WDR70: variants seen among roughly 807,000 people sequenced by gnomAD.
WDR70 encodes WD repeat-containing protein 70.
WDR70 carries 53 observed loss-of-function variants against 88.6 expected under a neutral mutation model. The ratio of observed to expected loss-of-function variants is 0.60; its 90% confidence interval spans 0.48 to 0.75. The LOEUF (loss-of-function observed/expected upper bound fraction) is 0.75. Among genes scored for constraint, WDR70 ranks in the 30% least tolerant of loss-of-function variants. The probability of loss-of-function intolerance (pLI) is 0.00; values close to 1 mark genes in which losing one functional copy is unlikely to be tolerated. For missense variants in WDR70, 610 were observed against 823.2 expected, an observed-to-expected ratio of 0.74 and a Z score of 3.17; for synonymous variants, 280 against 270.0, an observed-to-expected ratio of 1.04 and a Z score of -0.36.
intron 10 of WDR70, among the ~76,000 whole-genome samples, chr5:37,672,494 C>T (rs773895934): frequency 3.3e-5 from 5 of 152,106 alleles, no homozygotes; most frequent in African/African-American, 4.8e-5. Context: ...GATATGCTGG[C>T]GGCAATGTTG....
At chr5:37,703,485 A>T (rs1308934685) in intron 13 of WDR70, among the ~76,000 whole-genome samples, 1 of 152,232 alleles carries the variant, frequency 6.6e-6, no homozygotes, top group Non-Finnish European at 1.5e-5. Context: ...GAAACCATGA[A>T]AACTTTGACA....
Position 37,443,170 on chromosome 5 carries a change from A to G in WDR70, c.553-69A>G. The stretch of plus-strand genomic sequence containing the variant: ...CATAGGGGGTGGGATTAAAGAACAG[A>G]AATGGGAGGTTATAATTGACCATAT... On this transcript the variant is annotated intron_variant, in intron 6 of 17. Coordinates refer to ENST00000265107, the MANE Select transcript of WDR70 (RefSeq NM_018034.4). 3 of 1,510,998 alleles carry G rather than the reference A, an allele frequency of 2.0e-6. No individual in the cohort carries two copies. In the South Asian group the frequency reaches 3.8e-5, roughly 19 times the overall value. The allele number at this position is 1,510,998 out of a possible 1,614,324, so 93.6% of individuals were successfully genotyped here.
In WDR70 at chr5:37,592,424, C is replaced by T. The variant is rs146788321; in HGVS notation, c.918-12640C>T. Among the ~76,000 whole-genome samples, 4 of 135,180 alleles carry T rather than the reference C, an allele frequency of 3.0e-5. No homozygotes were observed. In the East Asian group the frequency reaches 6.1e-4, roughly 21 times the overall value. 88.7% of individuals were successfully genotyped at this position (135,180 alleles called of 152,430 possible). On this transcript the variant is annotated intron_variant, in intron 9 of 17. Coordinates refer to ENST00000265107, the MANE Select transcript of WDR70 (RefSeq NM_018034.4). ...TCTTACACTTATTCATACATAAGTA[C>T]TTAACTGAAAAATATGACATATTAA...
intron 8 of WDR70, among the ~76,000 whole-genome samples, chr5:37,485,677 T>A (rs1480175070): frequency 6.6e-6 from 1 of 151,840 alleles, no homozygotes; most frequent in Non-Finnish European, 1.5e-5. Context: ...TATTTATTTA[T>A]TCATTCATTT....
rs1561850153 is a variant in WDR70 at position 37,432,685 on chromosome 5, CGCGCCCGGCCTTTG to C, written c.493-5236_493-5223del. Among the ~76,000 whole-genome samples the C allele has an allele frequency of 1.5e-3, 229 of 151,872 alleles. 1 individual carries two copies. Among genetic ancestry groups the C allele is most frequent in the African/African-American group, 5.3e-3 (220 of 41,344 alleles). On this transcript the variant is annotated intron_variant, in intron 5 of 17. Coordinates refer to ENST00000265107, the MANE Select transcript of WDR70 (RefSeq NM_018034.4). ...TGCTGGGATTACAGGCATGAGCCACCGCGCCCGGCCTTTGAGCCACCGCGCCCGGCCTTTCTGGC... is the reference window on the plus strand; with the variant it reads ...TGCTGGGATTACAGGCATGAGCCACCAGCCACCGCGCCCGGCCTTTCTGGC...
At chr5:37,659,652 C>A (rs866517656) in intron 10 of WDR70, among the ~76,000 whole-genome samples, 13 of 152,136 alleles carry the variant, frequency 8.5e-5, no homozygotes, top group African/African-American at 3.1e-4. Context: ...CTGGGAAGTT[C>A]AAGATCCAGG....
intron 2 of WDR70, among the ~76,000 whole-genome samples, 196 bp downstream of exon 2, chr5:37,379,750 G>C (rs1748365355): frequency 1.2e-4 from 1 of 8,150 alleles, no homozygotes; most frequent in South Asian, 0.1. Context: ...ACAGTTATGA[G>C]AGTCTGGAGA....
intron 9 of WDR70, among the ~76,000 whole-genome samples, chr5:37,562,662 C>G (rs1437053374): frequency 6.6e-6 from 1 of 152,092 alleles, no homozygotes; most frequent in Non-Finnish European, 1.5e-5. Context: ...AACGAGCATG[C>G]TGCCTTCAAG....
intron 8 of WDR70, among the ~76,000 whole-genome samples, chr5:37,507,196 T>C (rs1395509064): frequency 2.0e-5 from 3 of 152,250 alleles, no homozygotes; most frequent in African/African-American, 7.2e-5. Context: ...AAGCACCCTG[T>C]CTATATCTAC....
At chr5:37,721,423 C>T (rs1747812492) in intron 14 of WDR70, 7 of 570,452 alleles carry the variant, frequency 1.2e-5, no homozygotes, top group South Asian at 4.5e-5. Context: ...GAATTCAAAG[C>T]GAAAGTTTCC....
At chr5:37,560,395 T>G (rs1231163589) in intron 9 of WDR70, among the ~76,000 whole-genome samples, 1 of 152,218 alleles carries the variant, frequency 6.6e-6, no homozygotes, top group Non-Finnish European at 1.5e-5. Context: ...TCTGTTAGGA[T>G]GTATCTTATG....
At chr5:37,728,179 C>G (rs979066268) in intron 17 of WDR70, among the ~76,000 whole-genome samples, 24 of 151,832 alleles carry the variant, frequency 1.6e-4, no homozygotes, top group African/African-American at 5.8e-4. Flanking sequence ...GAAAGCCCAT[C>G]ACTACTAAAA....
chr5:37,472,933 A>C (rs1739370713), intron 7 of WDR70, among the ~76,000 whole-genome samples: 1 of 152,070 alleles, frequency 6.6e-6, no homozygotes, highest in Non-Finnish European at 1.5e-5. Flanking sequence ...GGATAGGTAC[A>C]TGTTTACCTT....
intron 5 of WDR70, among the ~76,000 whole-genome samples, chr5:37,399,108 C>T (rs1749118924): frequency 6.6e-6 from 1 of 152,182 alleles, no homozygotes; most frequent in Admixed American, 6.5e-5. Flanking sequence ...GAAAACCCAT[C>T]TCTACTAAAA....
At chr5:37,704,226 TA>T (rs1647610514) in intron 13 of WDR70, among the ~76,000 whole-genome samples, 1 of 152,214 alleles carries the variant, frequency 6.6e-6, no homozygotes, top group Non-Finnish European at 1.5e-5. Flanking sequence ...AGGAGCCAAC[TA>T]AAACACTAGA....
chr5:37,702,829 T>C, intron 12 of WDR70, 120 bp from the exon 13 acceptor site: 1 of 975,162 alleles, frequency 1.0e-6, no homozygotes, highest in African/African-American at 1.6e-5. Context: ...ATATAAGTGC[T>C]TGACTCATAA....
chr5:37,609,171 A>C (rs1219839404), intron 10 of WDR70, among the ~76,000 whole-genome samples: 1 of 152,072 alleles, frequency 6.6e-6, no homozygotes, highest in African/African-American at 2.4e-5. Context: ...GAGAGGAGAG[A>C]GGTATTGGGG....
At chr5:37,584,410 A>G (rs188938642) in intron 9 of WDR70, among the ~76,000 whole-genome samples, 12 of 152,348 alleles carry the variant, frequency 7.9e-5, no homozygotes, top group Non-Finnish European at 7.3e-5. Flanking sequence ...GGAAACTTCT[A>G]AAGTAATATT....
intron 10 of WDR70, among the ~76,000 whole-genome samples, chr5:37,618,848 G>A (rs1196914492): frequency 3.3e-5 from 5 of 152,134 alleles, no homozygotes; most frequent in Admixed American, 2.6e-4. Context: ...TACAAGAAGA[G>A]AAAGGTGGAA....
Sources: gnomAD v4.1 joint callset for allele counts (sites outside exome capture counted in the v4.1 genomes callset) on GRCh38, gnomAD v4.1.1 for gene constraint, MANE v1.5 for transcripts, NCBI Gene and HGNC (gene_info 2026-07-23, HGNC 2026-07-21) for gene names.